Variants in DOK6 observed in about 807,000 individuals in gnomAD.
DOK6 encodes the protein docking protein 6, also known as downstream of tyrosine kinase 6.
DOK6 carries 22 observed loss-of-function variants against 44.0 expected under a neutral mutation model. The ratio of observed to expected loss-of-function variants is 0.50; its 90% CI spans 0.36 to 0.71. DOK6 has a LOEUF of 0.71. DOK6 is among the 30% of genes least tolerant of loss of function. The pLI, the probability that DOK6 is intolerant of heterozygous loss-of-function variation, is 0.00. For missense variants in DOK6, 340 were observed against 416.4 expected, an observed-to-expected ratio of 0.82 and a Z score of 1.60; for synonymous variants, 166 against 145.5, an observed-to-expected ratio of 1.14 and a Z score of -1.01.
At chr18:69,573,785 C>A (rs1331704925) in intron 2 of DOK6, among the ~76,000 whole-genome samples, 3 of 151,820 alleles carry the variant, frequency 2.0e-5, no homozygotes, top group Non-Finnish European at 4.4e-5. Flanking sequence ...ATTTCTGTTT[C>A]TTTTTTTCCC....
chr18:69,668,275 C>A (rs1555721759), intron 3 of DOK6, among the ~76,000 whole-genome samples: 1 of 152,060 alleles, frequency 6.6e-6, no homozygotes, highest in Non-Finnish European at 1.5e-5. Flanking sequence ...CTTTTTACTG[C>A]TTTTTTAGTG....
chr18:69,739,685 T>G (rs1409835883), intron 6 of DOK6, among the ~76,000 whole-genome samples: 1 of 152,238 alleles, frequency 6.6e-6, no homozygotes, highest in African/African-American at 2.4e-5. Context: ...TAAATTTTAT[T>G]AATATGACAA....
At chr18:69,592,053 T>C (rs1983634095) in intron 2 of DOK6, among the ~76,000 whole-genome samples, 1 of 152,086 alleles carries the variant, frequency 6.6e-6, no homozygotes, top group African/African-American at 2.4e-5. Flanking sequence ...GGAATTATTT[T>C]CATTTTAAAA....
At chr18:69,704,687 G>C (rs534917217) in intron 5 of DOK6, among the ~76,000 whole-genome samples, 1 of 152,192 alleles carries the variant, frequency 6.6e-6, no homozygotes, top group Admixed American at 6.5e-5. Flanking sequence ...CACCGTGTTA[G>C]CCAAGATGGT....
intron 1 of DOK6, among the ~76,000 whole-genome samples, chr18:69,536,487 T>C (rs1982125790): frequency 6.6e-6 from 1 of 152,148 alleles, no homozygotes; most frequent in Non-Finnish European, 1.5e-5. Flanking sequence ...AAATTAATTC[T>C]GAATATCCAT....
intron 1 of DOK6, among the ~76,000 whole-genome samples, chr18:69,415,861 A>G (rs963281596): frequency 5.9e-5 from 9 of 152,098 alleles, no homozygotes; most frequent in African/African-American, 2.2e-4. Context: ...GTAAAAGATT[A>G]ATTTATGGCT....
intron 7 of DOK6, among the ~76,000 whole-genome samples, chr18:69,768,169 T>C (rs1237897433): frequency 6.6e-6 from 1 of 152,180 alleles, no homozygotes; most frequent in Non-Finnish European, 1.5e-5. Flanking sequence ...ACATATATAT[T>C]CGATTTTATT....
At chr18:69,679,542 G>C (rs1024869403) in intron 4 of DOK6, among the ~76,000 whole-genome samples, 1 of 152,152 alleles carries the variant, frequency 6.6e-6, no homozygotes, top group African/African-American at 2.4e-5. Flanking sequence ...TCTGAGAGCA[G>C]TGCTAAGCAG....
At chr18:69,601,855 AG>A (rs1357865934) in intron 3 of DOK6, among the ~76,000 whole-genome samples, 1 of 152,198 alleles carries the variant, frequency 6.6e-6, no homozygotes, top group African/African-American at 2.4e-5. Flanking sequence ...CCAGAAAGTA[AG>A]GAAGTACCAC....
rs185751661 is a variant in DOK6, at chr18:69,551,975, T to G, written c.67-12512T>G. 5.0e-4 allele frequency among the ~76,000 whole-genome samples: 76 copies of G among 152,334 alleles called. 1 individual carries two copies. The highest frequency in any genetic ancestry group is 2.2e-3 in the Admixed American group (33 of 15,292). ...TTACCCCAGTTCACATACTTGGCTA[T>G]TCAGGCAAGCCCGATCATGTTCAAG... On this transcript the variant is annotated intron_variant, in intron 1 of 7. Coordinates refer to ENST00000382713, the MANE Select transcript of DOK6 (RefSeq NM_152721.6).
intron 3 of DOK6, among the ~76,000 whole-genome samples, chr18:69,635,932 A>G (rs1174138929): frequency 6.6e-6 from 1 of 152,236 alleles, no homozygotes; most frequent in Non-Finnish European, 1.5e-5. Flanking sequence ...CCAGAGCAAG[A>G]AAGGGCTCTT....
intron 1 of DOK6, among the ~76,000 whole-genome samples, chr18:69,416,923 A>T (rs1978356398): frequency 6.6e-6 from 1 of 151,986 alleles, no homozygotes; most frequent in Admixed American, 6.6e-5. Context: ...TGCTATTTTT[A>T]ATTTTTAAAT....
intron 1 of DOK6, among the ~76,000 whole-genome samples, chr18:69,437,416 C>T (rs1302603701): frequency 6.6e-6 from 1 of 152,148 alleles, no homozygotes; most frequent in Non-Finnish European, 1.5e-5. Flanking sequence ...AATAGGGAAT[C>T]CTTTCCCCAT....
chr18:69,402,151 C>T (rs1163058257), intron 1 of DOK6, among the ~76,000 whole-genome samples: 4 of 151,920 alleles, frequency 2.6e-5, no homozygotes, highest in African/African-American at 9.7e-5. Context: ...GCAGGAGGTC[C>T]CTGGGGAGCG....
chr18:69,715,520 C>T (rs572410590), intron 5 of DOK6, among the ~76,000 whole-genome samples: 13 of 152,308 alleles, frequency 8.5e-5, no homozygotes, highest in African/African-American at 2.2e-4. Context: ...TCAGCTCTCG[C>T]GATCTCACGC....
chr18:69,808,164 T>C (rs1981111132), intron 7 of DOK6, among the ~76,000 whole-genome samples: 1 of 151,738 alleles, frequency 6.6e-6, no homozygotes, highest in Admixed American at 6.6e-5. Context: ...CACAAATACA[T>C]GGAAATTAAG....
At chr18:69,773,639 A>G (rs1480123014) in intron 7 of DOK6, among the ~76,000 whole-genome samples, 2 of 152,014 alleles carry the variant, frequency 1.3e-5, no homozygotes, top group Non-Finnish European at 2.9e-5. Context: ...GAAATGGTCA[A>G]ATTCACAGAA....
At chr18:69,618,845 G>A (rs1269549218) in intron 3 of DOK6, among the ~76,000 whole-genome samples, 1 of 152,040 alleles carries the variant, frequency 6.6e-6, no homozygotes, top group Non-Finnish European at 1.5e-5. Context: ...ACTTTGTTTT[G>A]AACACAAGTG....
At position 69,401,218 on chromosome 18, in the gene DOK6, G is replaced by C; in HGVS notation, c.-27G>C. 6.5e-7 allele frequency: 1 copy of C among 1,544,618 alleles called. No individual in the cohort carries two copies. The highest frequency in any genetic ancestry group is 8.7e-7 in the Non-Finnish European group (1 of 1,147,260). On this transcript the variant is annotated 5_prime_UTR_variant, in exon 1 of 8. Transcript: ENST00000382713. ...TCTCGACTCCGGAGAGCGGATCGCG[G>C]GGCGCAGGAGCCCGATCGCGCTGGC...
Sources: allele counts gnomAD v4.1 joint callset (sites outside exome capture counted in the v4.1 genomes callset), GRCh38; gene constraint gnomAD v4.1.1; transcripts MANE v1.5; gene names NCBI Gene and HGNC (gene_info 2026-07-23, HGNC 2026-07-21).